Variants in SMURF2 observed in about 807,000 individuals in gnomAD.
The protein encoded by SMURF2 is SMAD specific E3 ubiquitin protein ligase 2.
SMURF2 carries 48 observed loss-of-function variants against 109.6 expected under a neutral mutation model. That is an observed-to-expected ratio of 0.44 (90% CI 0.35 to 0.56). The LOEUF is 0.56. SMURF2 is among the 20% of genes least tolerant of loss of function. The probability of loss-of-function intolerance (pLI) is 0.01; values close to 1 mark genes in which losing one functional copy is unlikely to be tolerated. For synonymous variants in SMURF2, 288 were observed against 317.1 expected, an observed-to-expected ratio of 0.91 and a Z score of 0.97; for missense variants, 575 against 909.0, an observed-to-expected ratio of 0.63 and a Z score of 4.72.
chr17:64,627,469 A>C (rs868951543), intron 1 of SMURF2, among the ~76,000 whole-genome samples: 12 of 152,218 alleles, frequency 7.9e-5, no homozygotes, highest in Middle Eastern at 3.4e-3. Flanking sequence ...TAATTAGAAC[A>C]CCTTTAGATG....
intron 10 of SMURF2, among the ~76,000 whole-genome samples, chr17:64,565,341 G>A (rs911953828): frequency 5.3e-5 from 8 of 152,220 alleles, no homozygotes; most frequent in African/African-American, 1.9e-4. Flanking sequence ...ATGTGAGAGT[G>A]CAGGCCAGGA....
chr17:64,589,130 T>G (rs1969713474), intron 5 of SMURF2, among the ~76,000 whole-genome samples: 1 of 152,200 alleles, frequency 6.6e-6, no homozygotes, highest in Non-Finnish European at 1.5e-5. Context: ...GAACACCAGA[T>G]TCACATAAGA....
chr17:64,625,031 T>G (rs1555691048), intron 1 of SMURF2, among the ~76,000 whole-genome samples: 1 of 152,154 alleles, frequency 6.6e-6, no homozygotes, highest in African/African-American at 2.4e-5. Flanking sequence ...GAAACTAGCA[T>G]TCACAGCCAG....
chr17:64,572,413 A>C (rs1969410263), intron 9 of SMURF2, among the ~76,000 whole-genome samples: 1 of 152,206 alleles, frequency 6.6e-6, no homozygotes, highest in African/African-American at 2.4e-5. Flanking sequence ...ACAAAGCAAA[A>C]CTGGAAATGT....
At chr17:64,653,762 G>A (rs1257992934) in intron 1 of SMURF2, among the ~76,000 whole-genome samples, 1 of 152,100 alleles carries the variant, frequency 6.6e-6, no homozygotes, top group Non-Finnish European at 1.5e-5. Context: ...ATTTACCCAA[G>A]GGCAAGAAAA....
chr17:64,567,353 A>T (rs557374069), intron 10 of SMURF2, among the ~76,000 whole-genome samples: 22 of 152,084 alleles, frequency 1.4e-4, no homozygotes, highest in Non-Finnish European at 2.2e-4. Flanking sequence ...TAAGAAAACT[A>T]GTCAAATGTT....
chr17:64,559,362 A>G (rs1458979144), intron 12 of SMURF2, among the ~76,000 whole-genome samples: 2 of 152,102 alleles, frequency 1.3e-5, no homozygotes, highest in South Asian at 2.1e-4. Flanking sequence ...TTGGGAGGCT[A>G]AGGCGGGCAG....
At chr17:64,606,469 G>A (rs1469334116) in intron 2 of SMURF2, 133 bp downstream of exon 2, 12 of 717,660 alleles carry the variant, frequency 1.7e-5, no homozygotes, top group Non-Finnish European at 2.8e-5. Flanking sequence ...AAATGGCTCT[G>A]AACCGAAGCA....
intron 1 of SMURF2, among the ~76,000 whole-genome samples, chr17:64,631,174 T>C (rs892861174): frequency 1.4e-5 from 2 of 146,124 alleles, no homozygotes; most frequent in Non-Finnish European, 3.0e-5. Context: ...TGGTGGCGTG[T>C]GCCTGTAGTC....
chr17:64,616,794 C>T (rs1457265486), intron 1 of SMURF2, among the ~76,000 whole-genome samples: 1 of 151,914 alleles, frequency 6.6e-6, no homozygotes, highest in African/African-American at 2.4e-5. Flanking sequence ...TCTAGGCTGG[C>T]ACAGTGGCTC....
At chr17:64,559,635 G>A (rs1472136497) in intron 12 of SMURF2, among the ~76,000 whole-genome samples, 1 of 151,696 alleles carries the variant, frequency 6.6e-6, no homozygotes, top group African/African-American at 2.4e-5. Flanking sequence ...GCCAGGCATG[G>A]TGGCTCGCGC....
At chr17:64,575,053 T>C (rs1969469239) in intron 9 of SMURF2, among the ~76,000 whole-genome samples, 1 of 150,796 alleles carries the variant, frequency 6.6e-6, no homozygotes, top group African/African-American at 2.5e-5. Context: ...TTACAATTTA[T>C]ATAATAAAAC....
chr17:64,610,568 G>A (rs1555689450), intron 1 of SMURF2, among the ~76,000 whole-genome samples: 1 of 152,106 alleles, frequency 6.6e-6, no homozygotes, highest in African/African-American at 2.4e-5. Flanking sequence ...GAGAACACAT[G>A]GACACATGGA....
At chr17:64,574,666 C>G (rs1555685880) in intron 9 of SMURF2, among the ~76,000 whole-genome samples, 1 of 152,196 alleles carries the variant, frequency 6.6e-6, no homozygotes, top group African/African-American at 2.4e-5. Context: ...TTGGGGGATA[C>G]AGAATAAGAA....
intron 1 of SMURF2, among the ~76,000 whole-genome samples, chr17:64,645,962 A>G (rs1555692944): frequency 6.6e-6 from 1 of 152,246 alleles, no homozygotes; most frequent in African/African-American, 2.4e-5. Context: ...AAGTTTTGTT[A>G]CAGCAATGCC....
In SMURF2 at chr17:64,542,622, G is replaced by A. The variant is rs1331581110; in HGVS notation, c.*3226C>T. ...CACAAATGGCACCCGTTGACTGTACGCTTAGAAAACAAGCAGAAGGAGCCA... is the reference window on the plus strand; with the variant it reads ...CACAAATGGCACCCGTTGACTGTACACTTAGAAAACAAGCAGAAGGAGCCA... On this transcript the variant is annotated 3_prime_UTR_variant, in exon 19 of 19. Transcript: ENST00000262435. 3 of 152,040 alleles carry A rather than the reference G, an allele frequency of 2.0e-5. No homozygotes were observed. Among genetic ancestry groups the A allele is most frequent in the Non-Finnish European group, 4.4e-5 (3 of 68,014 alleles). The allele number at this position is 152,040 out of a possible 1,614,324, so 9.4% of individuals were successfully genotyped here. A position where few individuals can be genotyped will look rare whatever the true frequency, so the allele number is the denominator to read the frequency against.
chr17:64,659,516 C>CTT (rs60004963), intron 1 of SMURF2, among the ~76,000 whole-genome samples: 2 of 135,614 alleles, frequency 1.5e-5, no homozygotes, highest in African/African-American at 2.8e-5. Context: ...AAAGAATCAA[C>CTT]TTTTTTTTTT....
intron 10 of SMURF2, among the ~76,000 whole-genome samples, chr17:64,565,440 T>C (rs1252842049): frequency 1.3e-5 from 2 of 152,166 alleles, no homozygotes; most frequent in African/African-American, 2.4e-5. Flanking sequence ...TGAAATCAAG[T>C]AGATCTGATA....
rs374407246 is a variant in SMURF2 at position 64,556,118 on chromosome 17, T to G, written c.1432-120A>C. 10 of 692,200 alleles carry G rather than the reference T, an allele frequency of 1.4e-5. No individual in the cohort carries two copies. In the South Asian group the frequency reaches 1.7e-4, roughly 12 times the overall value. The allele number at this position is 692,200 out of a possible 1,614,324, so 42.9% of individuals were successfully genotyped here. On this transcript the variant is annotated intron_variant, in intron 13 of 18. Transcript: ENST00000262435. ...TAAGCATAAAATTTTTACTCTTCAA[T>G]AGAGTCAGGAGGGAGTATTTCTCTA...
Sources: allele counts gnomAD v4.1 joint callset (sites outside exome capture counted in the v4.1 genomes callset), GRCh38; gene constraint gnomAD v4.1.1; transcripts MANE v1.5; gene names NCBI Gene and HGNC (gene_info 2026-07-23, HGNC 2026-07-21).